SMOX: variants seen among roughly 807,000 people sequenced by gnomAD.
SMOX encodes the protein flavin containing amine oxidase.
Under a neutral mutation model 51.0 loss-of-function variants are expected in SMOX, and 22 were observed. That is an observed-to-expected ratio of 0.43 (90% confidence interval 0.31 to 0.62). The LOEUF is 0.62. SMOX is among the 20% of genes least tolerant of loss of function. The probability of loss-of-function intolerance (pLI) is 0.10; values close to 1 mark genes in which losing one functional copy is unlikely to be tolerated. For synonymous variants in SMOX, 282 were observed against 307.8 expected, an observed-to-expected ratio of 0.92 and a Z score of 0.88; for missense variants, 566 against 777.7, an observed-to-expected ratio of 0.73 and a Z score of 3.24.
At chr20:4,161,703 C>T (rs965355841) in intron 1 of SMOX, among the ~76,000 whole-genome samples, 4 of 152,218 alleles carry the variant, frequency 2.6e-5, no homozygotes, top group South Asian at 2.1e-4. Context: ...CAGTTAGTTT[C>T]CTGTCTCCCC....
chr20:4,177,984 C>T lies in SMOX; in HGVS notation c.435+407C>T, dbSNP rs1168357072. Among the ~76,000 whole-genome samples the T allele has an allele frequency of 6.6e-6, 1 of 152,126 alleles. No homozygotes were observed. The highest frequency in any genetic ancestry group is 1.5e-5 in the Non-Finnish European group (1 of 68,034). On this transcript the variant is annotated intron_variant, in intron 3 of 6. Coordinates refer to ENST00000305958, the MANE Select transcript of SMOX (RefSeq NM_175839.3). The surrounding 1 kb of genome is among the most constrained non-coding windows in gnomAD (Gnocchi z 4.3). ...TGTGGTAGTCACTAGCCACATTTGG[C>T]TCTTGAGCACTTGAAATGATGCAAG...
intron 1 of SMOX, among the ~76,000 whole-genome samples, chr20:4,152,060 G>A (rs762981933): frequency 2.6e-5 from 4 of 152,220 alleles, no homozygotes; most frequent in South Asian, 2.1e-4. Flanking sequence ...ATCTAAGGGC[G>A]CCAATGGGAT....
chr20:4,174,675 C>T (rs1185622040), intron 1 of SMOX, among the ~76,000 whole-genome samples: 1 of 152,164 alleles, frequency 6.6e-6, no homozygotes, highest in Non-Finnish European at 1.5e-5. Flanking sequence ...AGGGAAGAAG[C>T]AGGGCCTAAC....
At chr20:4,150,421 C>G (rs1216885771) in intron 1 of SMOX, among the ~76,000 whole-genome samples, 2 of 152,226 alleles carry the variant, frequency 1.3e-5, no homozygotes, top group Non-Finnish European at 2.9e-5. Context: ...CCTTCAAGAA[C>G]CAGTATCCTC....
In SMOX at chr20:4,178,100, G is replaced by A. The variant is rs374294128; in HGVS notation, c.435+523G>A. 2.6e-5 allele frequency among the ~76,000 whole-genome samples: 4 copies of A among 152,338 alleles called. No individual in the cohort carries two copies. In the East Asian group the frequency reaches 7.7e-4, roughly 29 times the overall value. On this transcript the variant is annotated intron_variant, in intron 3 of 6. Transcript: ENST00000305958. ...TCTGTCGTCCAGGCTGGAGTGCAGTGGCGCGATCTCAGCTCACTGTAACCT... is the reference window on the plus strand; with the variant it reads ...TCTGTCGTCCAGGCTGGAGTGCAGTAGCGCGATCTCAGCTCACTGTAACCT...
chr20:4,179,898 C>G (rs116968755), intron 3 of SMOX, among the ~76,000 whole-genome samples: 2 of 152,122 alleles, frequency 1.3e-5, no homozygotes, highest in Non-Finnish European at 2.9e-5. Flanking sequence ...GGGAAGGTGT[C>G]GAATAACCCA....
chr20:4,166,182 T>C lies in SMOX; in HGVS notation c.-26-8848T>C, dbSNP rs1986562566. On this transcript the variant is annotated intron_variant, in intron 1 of 6. Transcript: ENST00000305958. The surrounding 1 kb of genome is among the most constrained non-coding windows in gnomAD (Gnocchi z 4.2). Reference sequence around the variant, plus strand: ...AGAGTGTGATCGAGTTGCTAATTTTTGCTGAAGGTGGGACCTATAGGGTGA... The same window carrying C: ...AGAGTGTGATCGAGTTGCTAATTTTCGCTGAAGGTGGGACCTATAGGGTGA... Among the ~76,000 whole-genome samples the C allele has an allele frequency of 6.9e-6, 1 of 144,076 alleles. No individual in the cohort carries two copies. Among genetic ancestry groups the C allele is most frequent in the Non-Finnish European group, 1.5e-5 (1 of 64,578 alleles). 94.5% of individuals were successfully genotyped at this position (144,076 alleles called of 152,430 possible).
At chr20:4,178,371 G>A (rs1384396695) in intron 3 of SMOX, among the ~76,000 whole-genome samples, 1 of 152,178 alleles carries the variant, frequency 6.6e-6, no homozygotes, top group Non-Finnish European at 1.5e-5. Context: ...CAGGTGTCTA[G>A]TAGCTACTGT....
rs1195629578 is a variant in SMOX at position 4,153,262 on chromosome 20, A to G, written c.-27+4285A>G. ...GCTACCGCTTTCTGCCTGAGATGCCATCATTAGAATGTCACCCTTCTGGGT... is the reference window on the plus strand; with the variant it reads ...GCTACCGCTTTCTGCCTGAGATGCCGTCATTAGAATGTCACCCTTCTGGGT... On this transcript the variant is annotated intron_variant, in intron 1 of 6. Coordinates refer to ENST00000305958, the MANE Select transcript of SMOX (RefSeq NM_175839.3). This position sits in a 1 kb window ranked among gnomAD's most constrained non-coding sequence, Gnocchi z 4.4. 6.6e-6 allele frequency among the ~76,000 whole-genome samples: 1 copy of G among 152,198 alleles called. No homozygotes were observed.
In SMOX at chr20:4,175,094, C is replaced by G; in HGVS notation, c.39C>G (p.Asp13Glu). The change falls in exon 2 of 7, where the codon GAC becomes GAG. Residue 13 changes from aspartate to glutamate, a missense_variant. Around this residue, in one of 3 missense-constraint regions of SMOX, gnomAD observed 217 missense variants for 278.4 expected, o/e 0.78. Coordinates refer to ENST00000305958, the MANE Select transcript of SMOX (RefSeq NM_175839.3). The part of the protein sequence containing the change: ...SCESSGDSAD[D>E]PLSRGLRRRG... Reference sequence around the variant, plus strand: ...AATCCAGTGGTGACAGTGCGGATGACCCTCTCAGTCGCGGCCTACGGAGAA... The same window carrying G: ...AATCCAGTGGTGACAGTGCGGATGAGCCTCTCAGTCGCGGCCTACGGAGAA... The G allele has an allele frequency of 6.2e-7, 1 of 1,614,234 alleles. No individual in the cohort carries two copies. Among genetic ancestry groups the G allele is most frequent in the Non-Finnish European group, 8.5e-7 (1 of 1,180,052 alleles).
rs539708815 is a variant in SMOX at position 4,149,605 on chromosome 20, G to T, written c.-27+628G>T. Among the ~76,000 whole-genome samples the T allele has an allele frequency of 4.6e-5, 7 of 152,322 alleles. No homozygotes were observed. In the South Asian group the frequency reaches 1.4e-3, roughly 32 times the overall value. ...CCCGGGCTTGGCGGGAGCCGGGCTC[G>T]CAAAGGGTTCGGGTGTGTTGGAGGG... On this transcript the variant is annotated intron_variant, in intron 1 of 6. Transcript: ENST00000305958. This position sits in a 1 kb window ranked among gnomAD's most constrained non-coding sequence, Gnocchi z 6.0.
intron 1 of SMOX, among the ~76,000 whole-genome samples, chr20:4,162,694 G>A (rs964020360): frequency 6.6e-6 from 1 of 152,154 alleles, no homozygotes; most frequent in African/African-American, 2.4e-5. Flanking sequence ...ACAAATATAG[G>A]TCTCTCTAAG....
chr20:4,168,125 G>C (rs893949765), intron 1 of SMOX, among the ~76,000 whole-genome samples: 9 of 151,414 alleles, frequency 5.9e-5, no homozygotes, highest in African/African-American at 1.2e-4. Context: ...GGGTAGGGGT[G>C]GGGGGGTGGG....
chr20:4,148,970 A>C lies in SMOX; in HGVS notation c.-34A>C, dbSNP rs1379250494. ...CGCAGACTTACTTCCCCGGCTCAGC[A>C]GGGAAAGGTACGGTGCGCCCGCTCT... On this transcript the variant is annotated 5_prime_UTR_variant, in exon 1 of 7. Transcript: ENST00000305958. 6.6e-6 allele frequency: 1 copy of C among 151,764 alleles called. No homozygotes were observed. Among genetic ancestry groups the C allele is most frequent in the South Asian group, 2.1e-4 (1 of 4,838 alleles). The allele number at this position is 151,764 out of a possible 1,614,324, so 9.4% of individuals were successfully genotyped here. A position where few individuals can be genotyped will look rare whatever the true frequency, so the allele number is the denominator to read the frequency against.
chr20:4,167,558 G>A lies in SMOX; in HGVS notation c.-26-7472G>A, dbSNP rs1986619603. On this transcript the variant is annotated intron_variant, in intron 1 of 6. Transcript: ENST00000305958. This position sits in a 1 kb window ranked among gnomAD's most constrained non-coding sequence, Gnocchi z 4.8. ...GTGTGCCCAGGTAGTGGGGTACAGAGGGTGCGTCCTTGGAGTGAGTTCAGA... is the reference window on the plus strand; with the variant it reads ...GTGTGCCCAGGTAGTGGGGTACAGAAGGTGCGTCCTTGGAGTGAGTTCAGA... Among the ~76,000 whole-genome samples, 1 of 152,178 alleles carries A rather than the reference G, an allele frequency of 6.6e-6. No homozygotes were observed. Among genetic ancestry groups the A allele is most frequent in the South Asian group, 2.1e-4 (1 of 4,826 alleles).
At position 4,177,786 on chromosome 20, in the gene SMOX, T is replaced by C. The variant is rs565018537; in HGVS notation, c.435+209T>C. 1.3e-5 allele frequency among the ~76,000 whole-genome samples: 2 copies of C among 152,362 alleles called. No individual in the cohort carries two copies. Among genetic ancestry groups the C allele is most frequent in the South Asian group, 4.1e-4 (2 of 4,832 alleles). ...AATTATTTTTAATTCTAATAATACA[T>C]CTATTATGTTAATTGTATTAATTTA... On this transcript the variant is annotated intron_variant, in intron 3 of 6. Coordinates refer to ENST00000305958, the MANE Select transcript of SMOX (RefSeq NM_175839.3). The surrounding 1 kb of genome is among the most constrained non-coding windows in gnomAD (Gnocchi z 4.3).
rs1326084754 is a variant in SMOX at position 4,172,551 on chromosome 20, A to C, written c.-26-2479A>C. On this transcript the variant is annotated intron_variant, in intron 1 of 6. Coordinates refer to ENST00000305958, the MANE Select transcript of SMOX (RefSeq NM_175839.3). The surrounding 1 kb of genome is among the most constrained non-coding windows in gnomAD (Gnocchi z 7.7). ...GAGGGAGGAGAGGGACGGGAGTCAG[A>C]GGACAGAGGCGGGGAGGAGGAAAGG... Among the ~76,000 whole-genome samples, 1 of 152,006 alleles carries C rather than the reference A, an allele frequency of 6.6e-6. No individual in the cohort carries two copies. The highest frequency in any genetic ancestry group is 1.5e-5 in the Non-Finnish European group (1 of 67,990).
chr20:4,186,674 T>C (rs1979758693), intron 6 of SMOX: 2 of 764,338 alleles, frequency 2.6e-6, no homozygotes, highest in Non-Finnish European at 4.9e-6. Flanking sequence ...CGGCGCCTTG[T>C]GCAAACACCC....
At chr20:4,168,715 C>T (rs888906908) in intron 1 of SMOX, among the ~76,000 whole-genome samples, 1 of 151,938 alleles carries the variant, frequency 6.6e-6, no homozygotes, top group African/African-American at 2.4e-5. Context: ...CGCCACCACG[C>T]TTGGCTAATT....
Sources: allele counts gnomAD v4.1 joint callset (sites outside exome capture counted in the v4.1 genomes callset), GRCh38; gene constraint gnomAD v4.1.1; regional missense constraint gnomAD v4.1.1; non-coding constraint Gnocchi (gnomAD v3.1); transcripts MANE v1.5; gene names NCBI Gene and HGNC (gene_info 2026-07-23, HGNC 2026-07-21).